ADAMTS12: variants seen among roughly 807,000 people sequenced by gnomAD.
ADAMTS12 encodes ADAM metallopeptidase with thrombospondin type 1 motif 12, also known as A disintegrin and metalloproteinase with thrombospondin motifs 12.
Under a neutral mutation model 167.8 loss-of-function variants are expected in ADAMTS12, and 118 were observed. The ratio of observed to expected loss-of-function variants is 0.70; its 90% CI spans 0.61 to 0.82. The LOEUF (loss-of-function observed/expected upper bound fraction) is 0.82. Ranked by LOEUF, ADAMTS12 falls within the 40% of genes least tolerant of loss-of-function variation. ADAMTS12 has a pLI of 0.00. For synonymous variants in ADAMTS12, 704 were observed against 716.9 expected (o/e 0.98, Z 0.29); for missense variants, 1,916 against 1,998.8 (o/e 0.96, Z 0.79).
chr5:33,762,692 T>G (rs911868253), intron 2 of ADAMTS12, among the ~76,000 whole-genome samples: 2 of 152,058 alleles, frequency 1.3e-5, no homozygotes, highest in South Asian at 2.1e-4. Context: ...AAAATGGGGA[T>G]TCTTCCCTGG....
intron 22 of ADAMTS12, among the ~76,000 whole-genome samples, chr5:33,536,480 T>C (rs1312664165): frequency 6.6e-6 from 1 of 152,262 alleles, no homozygotes; most frequent in Admixed American, 6.5e-5. Flanking sequence ...ATCTTTGTCC[T>C]TCTGGGTTTG....
At chr5:33,838,489 C>T (rs1407969385) in intron 2 of ADAMTS12, among the ~76,000 whole-genome samples, 2 of 152,118 alleles carry the variant, frequency 1.3e-5, no homozygotes, top group African/African-American at 4.8e-5. Flanking sequence ...TCAAGACCAG[C>T]CTGGCCAACA....
intron 3 of ADAMTS12, among the ~76,000 whole-genome samples, chr5:33,698,266 T>G (rs1436008790): frequency 6.6e-6 from 1 of 152,178 alleles, no homozygotes; most frequent in East Asian, 1.9e-4. Context: ...ATCTTATCTT[T>G]CTGAACCTAC....
intron 2 of ADAMTS12, among the ~76,000 whole-genome samples, chr5:33,808,681 C>A (rs1747332121): frequency 6.6e-6 from 1 of 152,150 alleles, no homozygotes; most frequent in South Asian, 2.1e-4. Flanking sequence ...TACATACATT[C>A]ATATGAAAGA....
chr5:33,814,094 C>A (rs1305451847), intron 2 of ADAMTS12, among the ~76,000 whole-genome samples: 1 of 152,136 alleles, frequency 6.6e-6, no homozygotes, highest in African/African-American at 2.4e-5. Flanking sequence ...TTAATGATGT[C>A]TTTAATTAGA....
In ADAMTS12 at chr5:33,661,926, G is replaced by C; in HGVS notation, c.1030C>G (p.Leu344Val). ...LNPVHHDVAV[L>V]LTRKDICAGF... is the part of the protein sequence containing the mutation. ...TAGTCTCTGGTGTACCTGGTGAGAA[G>C]GACAGCCACGTCGTGATGAACAGGA... The change falls in exon 6 of 24, where the codon CTT (leucine) becomes GTT (valine). Residue 344 changes from leucine to valine, a missense_variant. Physicochemically the swap from Leu to Val is conservative, Grantham distance 32 (BLOSUM62 1). Coordinates refer to ENST00000504830, the MANE Select transcript of ADAMTS12 (RefSeq NM_030955.4). 6.2e-7 allele frequency: 1 copy of C among 1,613,280 alleles called. No individual in the cohort carries two copies. The highest frequency in any genetic ancestry group is 8.5e-7 in the Non-Finnish European group (1 of 1,179,516).
intron 2 of ADAMTS12, among the ~76,000 whole-genome samples, chr5:33,856,667 T>C (rs1024403933): frequency 6.6e-6 from 1 of 151,176 alleles, no homozygotes; most frequent in African/African-American, 2.4e-5. Flanking sequence ...AAAACTTCAC[T>C]AAATATCTGG....
At chr5:33,807,007 C>T (rs1747262111) in intron 2 of ADAMTS12, among the ~76,000 whole-genome samples, 1 of 152,148 alleles carries the variant, frequency 6.6e-6, no homozygotes, top group African/African-American at 2.4e-5. Flanking sequence ...TGTTAAAACC[C>T]ATTAATGGTT....
intron 13 of ADAMTS12, among the ~76,000 whole-genome samples, chr5:33,629,273 T>C (rs1274986220): frequency 6.6e-6 from 1 of 152,142 alleles, no homozygotes; most frequent in East Asian, 1.9e-4. Context: ...AAAAAGCAAC[T>C]GTATAGATAA....
Position 33,663,899 on chromosome 5 carries a change from AC to A in ADAMTS12, c.916-1860del, listed in dbSNP as rs566261064. Among the ~76,000 whole-genome samples, 564 of 152,312 alleles carry A rather than the reference AC, an allele frequency of 3.7e-3. 6 individuals carry two copies. Among genetic ancestry groups the A allele is most frequent in the African/African-American group, 0.013 (552 of 41,568 alleles). The stretch of plus-strand genomic sequence containing the variant: ...ACCATTTACAATTACCAATAGTATT[AC>A]CACTTATAATTGTTACAAAAAGTGA... On this transcript the variant is annotated intron_variant, in intron 5 of 23. Transcript: ENST00000504830.
At chr5:33,656,122 C>T (rs896010968) in intron 7 of ADAMTS12, among the ~76,000 whole-genome samples, 1 of 152,014 alleles carries the variant, frequency 6.6e-6, no homozygotes, top group Non-Finnish European at 1.5e-5. Context: ...GATAAAGAAA[C>T]CTTATAGTAG....
At chr5:33,847,715 C>G (rs970317002) in intron 2 of ADAMTS12, among the ~76,000 whole-genome samples, 1 of 152,086 alleles carries the variant, frequency 6.6e-6, no homozygotes, top group African/African-American at 2.4e-5. Context: ...TATAGGATTA[C>G]TTAACTGCCA....
At chr5:33,695,670 T>C (rs1742728576) in intron 3 of ADAMTS12, among the ~76,000 whole-genome samples, 2 of 152,182 alleles carry the variant, frequency 1.3e-5, no homozygotes, top group Non-Finnish European at 2.9e-5. Flanking sequence ...GAAAGTAGAA[T>C]GCTGGTTGCC....
intron 2 of ADAMTS12, among the ~76,000 whole-genome samples, chr5:33,822,621 A>G (rs968583698): frequency 2.6e-5 from 4 of 152,312 alleles, no homozygotes; most frequent in South Asian, 2.1e-4. Context: ...CCATGTGCAC[A>G]TATATATTTT....
At chr5:33,679,203 C>G (rs1162042684) in intron 5 of ADAMTS12, among the ~76,000 whole-genome samples, 1 of 152,254 alleles carries the variant, frequency 6.6e-6, no homozygotes, top group Non-Finnish European at 1.5e-5. Context: ...GATATGTCCA[C>G]TGCCTCTCAT....
intron 5 of ADAMTS12, among the ~76,000 whole-genome samples, chr5:33,679,109 T>C (rs898167155): frequency 9.2e-5 from 14 of 152,218 alleles, no homozygotes; most frequent in Admixed American, 1.3e-4. Flanking sequence ...GGCTGCTTTC[T>C]CTCCTGTCTC....
intron 14 of ADAMTS12, among the ~76,000 whole-genome samples, chr5:33,620,790 C>T (rs894518439): frequency 5.3e-5 from 8 of 152,074 alleles, no homozygotes; most frequent in Non-Finnish European, 1.0e-4. Context: ...TGTGTCTAGG[C>T]TACACAGTTC....
intron 2 of ADAMTS12, among the ~76,000 whole-genome samples, chr5:33,783,535 AAG>A (rs1213683699): frequency 2.0e-5 from 3 of 151,898 alleles, no homozygotes; most frequent in Non-Finnish European, 4.4e-5. Flanking sequence ...ACAGAAATAA[AAG>A]AGAAAACATC....
At chr5:33,886,285 T>C (rs925420341) in intron 1 of ADAMTS12, among the ~76,000 whole-genome samples, 60 of 152,312 alleles carry the variant, frequency 3.9e-4, no homozygotes, top group African/African-American at 1.4e-3. Context: ...TAGAATAATA[T>C]GATAATAATT....
Sources: allele counts gnomAD v4.1 joint callset (sites outside exome capture counted in the v4.1 genomes callset), GRCh38; gene constraint gnomAD v4.1.1; transcripts MANE v1.5; gene names NCBI Gene and HGNC (gene_info 2026-07-23, HGNC 2026-07-21).